The following WSCD2 variants were observed in gnomAD, a reference collection of about 807,000 sequenced individuals.
WSCD2 encodes WSC domain sialate O sulfotransferase 2.
WSCD2 carries 28 observed loss-of-function variants against 55.7 expected under a neutral mutation model. That is an observed-to-expected ratio of 0.50 (90% CI 0.37 to 0.69). WSCD2 has a LOEUF of 0.69. Ranked by LOEUF, WSCD2 falls within the 30% of genes least tolerant of loss-of-function variation. The pLI is 0.00. For missense variants in WSCD2, 616 were observed against 762.1 expected, an observed-to-expected ratio of 0.81 and a Z score of 2.26; for synonymous variants, 301 against 301.9, an observed-to-expected ratio of 1.00 and a Z score of 0.03.
At chr12:108,209,465 C>T (rs764492446) in intron 3 of WSCD2, among the ~76,000 whole-genome samples, 6 of 152,028 alleles carry the variant, frequency 3.9e-5, no homozygotes, top group Non-Finnish European at 5.9e-5. Flanking sequence ...TAGGGGAGAC[C>T]ACAGGATCTG....
At chr12:108,191,641 T>C (rs1456156211) in intron 1 of WSCD2, among the ~76,000 whole-genome samples, 1 of 152,174 alleles carries the variant, frequency 6.6e-6, no homozygotes, top group Admixed American at 6.5e-5. Flanking sequence ...CCTGACTCTT[T>C]TTACTCATTT....
intron 1 of WSCD2, among the ~76,000 whole-genome samples, chr12:108,151,102 G>A (rs1877951170): frequency 6.6e-6 from 1 of 152,000 alleles, no homozygotes; most frequent in Non-Finnish European, 1.5e-5. Flanking sequence ...CCATCTCCCA[G>A]GGAGCTCACT....
intron 1 of WSCD2, chr12:108,189,777 C>A (rs538492776): frequency 1.3e-5 from 2 of 152,278 alleles, no homozygotes; most frequent in South Asian, 4.2e-4. Flanking sequence ...GGTATACATG[C>A]ACTCTACATT....
chr12:108,247,458 AGGT>A (rs906454563), intron 8 of WSCD2, among the ~76,000 whole-genome samples: 6 of 152,278 alleles, frequency 3.9e-5, no homozygotes, highest in African/African-American at 1.4e-4. Context: ...CCCAAAGAGA[AGGT>A]GGTGGTCAAG....
chr12:108,233,517 C>A (rs1019523570), intron 7 of WSCD2, among the ~76,000 whole-genome samples: 1 of 152,210 alleles, frequency 6.6e-6, no homozygotes, highest in Non-Finnish European at 1.5e-5. Flanking sequence ...TCTCTTGGCA[C>A]CTAGTAGGTG....
intron 1 of WSCD2, among the ~76,000 whole-genome samples, chr12:108,169,330 C>T (rs1592923749): frequency 6.6e-6 from 1 of 151,606 alleles, no homozygotes; most frequent in South Asian, 2.1e-4. Context: ...GAAACCAATC[C>T]CCCCCACCCC....
chr12:108,226,859 G>A, intron 5 of WSCD2, 131 bp from the exon 6 acceptor site: 1 of 1,094,982 alleles, frequency 9.1e-7, no homozygotes, highest in Non-Finnish European at 1.3e-6. Context: ...TGGAATTTGG[G>A]GACCCTCAAG....
chr12:108,248,426 A>C lies in WSCD2; in HGVS notation c.*83A>C. ...TCAAGACCCCTGGTTACCCCCACTC[A>C]TCTGTCCTCTCTTTGGTCTGGGGAC... On this transcript the variant is annotated 3_prime_UTR_variant, in exon 9 of 9. Coordinates refer to ENST00000547525, the MANE Select transcript of WSCD2 (RefSeq NM_014653.4). This position sits in a 1 kb window ranked among gnomAD's most constrained non-coding sequence, Gnocchi z 4.3. The C allele has an allele frequency of 6.6e-7, 1 of 1,506,274 alleles. No individual in the cohort carries two copies. The highest frequency in any genetic ancestry group is 2.3e-5 in the East Asian group (1 of 42,682). 93.3% of individuals were successfully genotyped at this position (1,506,274 alleles called of 1,614,324 possible). A position where few individuals can be genotyped will look rare whatever the true frequency, so the allele number is the denominator to read the frequency against.
At chr12:108,168,119 T>G (rs1462557710) in intron 1 of WSCD2, among the ~76,000 whole-genome samples, 1 of 152,180 alleles carries the variant, frequency 6.6e-6, no homozygotes, top group Admixed American at 6.5e-5. Flanking sequence ...ATAACAAGGT[T>G]GAAGTCAGAG....
At chr12:108,161,915 G>A (rs1010077031) in intron 1 of WSCD2, among the ~76,000 whole-genome samples, 4 of 152,126 alleles carry the variant, frequency 2.6e-5, no homozygotes, top group South Asian at 2.1e-4. Context: ...TCAGAATAAC[G>A]AATGAGACCC....
In WSCD2 at chr12:108,231,709, C is replaced by T. The variant is rs920608195; in HGVS notation, c.980-1022C>T. ...CGTCCAAGAAGCAGTTATTAAGTAC[C>T]TGCTGTATACCAGATATTGTGGAAA... On this transcript the variant is annotated intron_variant, in intron 6 of 8. Transcript: ENST00000547525. Among the ~76,000 whole-genome samples, 12 of 152,318 alleles carry T rather than the reference C, an allele frequency of 7.9e-5. No individual in the cohort carries two copies. The South Asian group carries it at 1.9e-3, about 24-fold the overall frequency.
chr12:108,142,345 C>T (rs1876908078), intron 1 of WSCD2, among the ~76,000 whole-genome samples: 1 of 152,152 alleles, frequency 6.6e-6, no homozygotes, highest in Admixed American at 6.5e-5. Flanking sequence ...CTCCTCAAAA[C>T]ACCACAGGTA....
chr12:108,238,123 T>A (rs1361991764), intron 7 of WSCD2, among the ~76,000 whole-genome samples: 5 of 152,246 alleles, frequency 3.3e-5, no homozygotes, highest in Non-Finnish European at 7.3e-5. Flanking sequence ...CAGGGTTGCC[T>A]TGCATAAATG....
At chr12:108,212,463 C>A (rs1886316774) in intron 4 of WSCD2, among the ~76,000 whole-genome samples, 1 of 152,040 alleles carries the variant, frequency 6.6e-6, no homozygotes, top group South Asian at 2.1e-4. Context: ...GGCTGAATAA[C>A]CTGGACACAC....
intron 7 of WSCD2, among the ~76,000 whole-genome samples, chr12:108,239,720 C>CT (rs1024264473): frequency 2.0e-5 from 3 of 151,976 alleles, no homozygotes; most frequent in Non-Finnish European, 4.4e-5. Context: ...CTCTTCTTTT[C>CT]TTTTTTTGTC....
At chr12:108,149,449 G>T (rs1343699703) in intron 1 of WSCD2, among the ~76,000 whole-genome samples, 1 of 152,168 alleles carries the variant, frequency 6.6e-6, no homozygotes, top group Non-Finnish European at 1.5e-5. Flanking sequence ...TCCCCAGTAG[G>T]CCTGTCAGAA....
At chr12:108,230,501 G>A (rs10507227) in intron 6 of WSCD2, among the ~76,000 whole-genome samples, 22,098 of 152,138 alleles carry the variant, frequency 0.15, 1,711 homozygotes, top group Middle Eastern at 0.17. Context: ...GGCTGTCATC[G>A]CTGCTTAATA....
intron 2 of WSCD2, among the ~76,000 whole-genome samples, chr12:108,199,297 T>C (rs1884356727): frequency 6.6e-6 from 1 of 152,242 alleles, no homozygotes; most frequent in African/African-American, 2.4e-5. Context: ...GATGCAGGAC[T>C]CAGGCTGTAG....
intron 1 of WSCD2, among the ~76,000 whole-genome samples, chr12:108,161,225 G>A (rs185216059): frequency 2.0e-4 from 30 of 152,214 alleles, no homozygotes; most frequent in Admixed American, 1.8e-3. Flanking sequence ...ATGCATATAG[G>A]GGCTGTAAAG....
Sources: gnomAD v4.1 joint callset for allele counts (sites outside exome capture counted in the v4.1 genomes callset) on GRCh38, gnomAD v4.1.1 for gene constraint, Gnocchi (gnomAD v3.1) non-coding constraint, MANE v1.5 for transcripts, NCBI Gene and HGNC (gene_info 2026-07-23, HGNC 2026-07-21) for gene names.